The following CNR1 variants were observed in gnomAD, a reference collection of about 807,000 sequenced individuals.
CNR1 encodes cannabinoid receptor 1 (brain).
A neutral mutation model predicts 23.0 loss-of-function variants in CNR1; 10 were observed. The observed-to-expected ratio is 0.43, with a 90% CI of 0.27 to 0.74. The LOEUF (loss-of-function observed/expected upper bound fraction) is 0.74, where lower values mean the gene tolerates loss of function less well. Ranked by LOEUF, CNR1 falls within the 30% of genes least tolerant of loss-of-function variation. The probability of loss-of-function intolerance (pLI) is 0.19; values close to 1 mark genes in which losing one functional copy is unlikely to be tolerated. For missense variants in CNR1, 422 were observed against 618.8 expected (o/e 0.68, Z 3.37); for synonymous variants, 271 against 255.2 (o/e 1.06, Z -0.59).
chr6:88,148,586 G>A (rs1457193383), intron 1 of CNR1, among the ~76,000 whole-genome samples: 1 of 152,138 alleles, frequency 6.6e-6, no homozygotes, highest in Non-Finnish European at 1.5e-5. Flanking sequence ...CTTGAATCAA[G>A]GGATCTAGCC....
intron 1 of CNR1, among the ~76,000 whole-genome samples, chr6:88,160,595 C>T (rs963949804): frequency 5.3e-5 from 8 of 151,844 alleles, no homozygotes; most frequent in Admixed American, 1.3e-4. Context: ...CCACCATGCC[C>T]GGCTAATTTT....
In CNR1 at chr6:88,141,114, A is replaced by G. The variant is rs1776788654; in HGVS notation, c.*2742T>C. On this transcript the variant is annotated 3_prime_UTR_variant, in exon 2 of 2. Transcript: ENST00000369501. Reference sequence around the variant, plus strand: ...GACCTTATAAAACTTACTTAAATTTAAATCATTTAAATTAATGGATCTAAT... The same window carrying G: ...GACCTTATAAAACTTACTTAAATTTGAATCATTTAAATTAATGGATCTAAT... The G allele has an allele frequency of 6.6e-6, 1 of 152,372 alleles. No homozygotes were observed. Among genetic ancestry groups the G allele is most frequent in the African/African-American group, 2.4e-5 (1 of 41,464 alleles). The allele number at this position is 152,372 out of a possible 1,614,324, so 9.4% of individuals were successfully genotyped here.
rs1205680896 is a variant in CNR1, at chr6:88,144,529, A to G, written c.746T>C (p.Val249Ala). ...GCAGTTCCAGCCCAGGAGAGGCAGC[A>G]CGGCGATCACAATGGCTATGGTCCA... Reference protein sequence around the residue: ...LMWTIAIVIAVLPLLGWNCEK... With the variant: ...LMWTIAIVIAALPLLGWNCEK... The change falls in exon 2 of 2, where the codon GTG (valine) becomes GCG (alanine). Residue 249 changes from valine to alanine, a missense_variant. Transcript: ENST00000369501. The surrounding 1 kb of genome is among the most constrained non-coding windows in gnomAD (Gnocchi z 7.8). 6.2e-7 allele frequency: 1 copy of G among 1,614,120 alleles called. No individual in the cohort carries two copies. The highest frequency in any genetic ancestry group is 1.3e-5 in the African/African-American group (1 of 74,956).
chr6:88,151,638 C>T (rs961203617), intron 1 of CNR1, among the ~76,000 whole-genome samples: 1 of 151,432 alleles, frequency 6.6e-6, no homozygotes, highest in Non-Finnish European at 1.5e-5. Context: ...TGGCTCTTTG[C>T]TATATACTAT....
chr6:88,158,401 G>A (rs1255501569), intron 1 of CNR1, among the ~76,000 whole-genome samples: 2 of 152,146 alleles, frequency 1.3e-5, no homozygotes, highest in African/African-American at 4.8e-5. Flanking sequence ...AGGTACCAAC[G>A]GGCTGAAAAT....
In CNR1 at chr6:88,143,853, G is replaced by A. The variant is rs1390119934; in HGVS notation, c.*3C>T. 4 of 1,610,076 alleles carry A rather than the reference G, an allele frequency of 2.5e-6. No individual in the cohort carries two copies. Among genetic ancestry groups the A allele is most frequent in the Non-Finnish European group, 3.4e-6 (4 of 1,176,924 alleles). On this transcript the variant is annotated 3_prime_UTR_variant, in exon 2 of 2. Transcript: ENST00000369501. ...TTCCTGTGCTGCCAGGGAGGCATCA[G>A]GCTCACAGAGCCTCGGCAGACGTGT...
At chr6:88,148,230 C>T (rs1179773146) in intron 1 of CNR1, among the ~76,000 whole-genome samples, 2 of 152,166 alleles carry the variant, frequency 1.3e-5, no homozygotes, top group Non-Finnish European at 2.9e-5. Flanking sequence ...GCCATAGCTC[C>T]CTGCTTCCCA....
chr6:88,139,962 T>C lies in CNR1; in HGVS notation c.*3894A>G, dbSNP rs1435003432. The C allele has an allele frequency of 6.6e-6, 1 of 152,360 alleles. No homozygotes were observed. Among genetic ancestry groups the C allele is most frequent in the Non-Finnish European group, 1.5e-5 (1 of 68,038 alleles). 9.4% of individuals were successfully genotyped at this position (152,360 alleles called of 1,614,324 possible). Reference sequence around the variant, plus strand: ...GTTTTCTCTTTGAATAAGTTAACAGTTTAATTACATTGAAATAAAATATAC... The same window carrying C: ...GTTTTCTCTTTGAATAAGTTAACAGCTTAATTACATTGAAATAAAATATAC... On this transcript the variant is annotated 3_prime_UTR_variant, in exon 2 of 2. Transcript: ENST00000369501.
At chr6:88,166,951 C>G (rs948872382), upstream of CNR1, among the ~76,000 whole-genome samples, 20 of 151,842 alleles carry the variant, frequency 1.3e-4, no homozygotes, top group Non-Finnish European at 2.6e-4. Context: ...GCGCAGCCCC[C>G]GAGCCGTTCG....
chr6:88,161,814 C>T (rs1778123289), intron 1 of CNR1, among the ~76,000 whole-genome samples: 1 of 152,172 alleles, frequency 6.6e-6, no homozygotes, highest in South Asian at 2.1e-4. Context: ...ACCTTACAAA[C>T]CTGCCCCCCT....
At chr6:88,161,554 T>C (rs1778108092) in intron 1 of CNR1, among the ~76,000 whole-genome samples, 2 of 152,224 alleles carry the variant, frequency 1.3e-5, no homozygotes, top group Admixed American at 1.3e-4. Flanking sequence ...TCTAAACTAT[T>C]ATAAAAAATA....
chr6:88,159,099 G>A (rs574400108), intron 1 of CNR1, among the ~76,000 whole-genome samples: 1 of 152,220 alleles, frequency 6.6e-6, no homozygotes, highest in African/African-American at 2.4e-5. Context: ...TATTTACAAA[G>A]GCTATGCAAA....
chr6:88,144,012 A>G lies in CNR1; in HGVS notation c.1263T>C (p.Pro421=). 1 of 1,613,964 alleles carries G rather than the reference A, an allele frequency of 6.2e-7. No homozygotes were observed. Among genetic ancestry groups the G allele is most frequent in the East Asian group, 2.2e-5 (1 of 44,862 alleles). ...CCGAGTCCCCCATGCTGTTATCCAG[A>G]GGCTGCGCAGTGCCTTCACAAGAGG... The part of the protein sequence containing the change: ...MFPSCEGTAQ[P]LDNSMGDSDC... The change falls in exon 2 of 2, where the codon CCT becomes CCC. Residue 421 remains proline, a synonymous_variant. Transcript: ENST00000369501. The surrounding 1 kb of genome is among the most constrained non-coding windows in gnomAD (Gnocchi z 7.8).
At chr6:88,156,584 G>A (rs747561966) in intron 1 of CNR1, among the ~76,000 whole-genome samples, 2 of 152,194 alleles carry the variant, frequency 1.3e-5, no homozygotes, top group Non-Finnish European at 2.9e-5. Flanking sequence ...CATGCTTTGA[G>A]ATTTTCTCCC....
chr6:88,154,975 A>T (rs1487973762), intron 1 of CNR1, among the ~76,000 whole-genome samples: 3 of 152,234 alleles, frequency 2.0e-5, no homozygotes, highest in Non-Finnish European at 4.4e-5. Context: ...ACTCTATAAA[A>T]TTATCTTTAT....
intron 1 of CNR1, among the ~76,000 whole-genome samples, chr6:88,159,750 T>C (rs1777989591): frequency 2.0e-5 from 3 of 152,214 alleles, no homozygotes; most frequent in Non-Finnish European, 4.4e-5. Flanking sequence ...GCATACTGCC[T>C]GCTCACAACT....
rs368681404 is a variant in CNR1, at chr6:88,144,286, G to A, written c.989C>T (p.Thr330Ile). The A allele has an allele frequency of 3.1e-6, 5 of 1,611,458 alleles. No homozygotes were observed. Among genetic ancestry groups the A allele is most frequent in the Non-Finnish European group, 4.2e-6 (5 of 1,179,998 alleles). Reference protein sequence around the residue: ...HTSEDGKVQVTRPDQARMDIR... With the variant: ...HTSEDGKVQVIRPDQARMDIR... ...GTCCATGCGGGCTTGGTCTGGCCGG[G>A]TCACCTGTACCTTCCCATCCTCAGA... Residue 330 changes from threonine to isoleucine, a missense_variant, in exon 2 of 2, where the codon ACC becomes ATC. Around this residue, in one of 4 missense-constraint regions of CNR1, gnomAD observed 211 missense variants for 357.3 expected, o/e 0.59. Coordinates refer to ENST00000369501, the MANE Select transcript of CNR1 (RefSeq NM_016083.6). The surrounding 1 kb of genome is among the most constrained non-coding windows in gnomAD (Gnocchi z 7.8).
chr6:88,149,045 C>T (rs954063736), intron 1 of CNR1, among the ~76,000 whole-genome samples: 7 of 152,200 alleles, frequency 4.6e-5, no homozygotes, highest in Non-Finnish European at 7.4e-5. Flanking sequence ...GGAGCCATCA[C>T]CTACTGGACC....
intron 1 of CNR1, among the ~76,000 whole-genome samples, chr6:88,153,329 C>T (rs959915863): frequency 6.6e-6 from 1 of 151,828 alleles, no homozygotes; most frequent in African/African-American, 2.4e-5. Context: ...TATTTTTATT[C>T]GTATAACCAC....
Sources: allele counts gnomAD v4.1 joint callset (sites outside exome capture counted in the v4.1 genomes callset), GRCh38; gene constraint gnomAD v4.1.1; regional missense constraint gnomAD v4.1.1; non-coding constraint Gnocchi (gnomAD v3.1); transcripts MANE v1.5; gene names NCBI Gene and HGNC (gene_info 2026-07-23, HGNC 2026-07-21).